The following KCNIP4 variants were observed in gnomAD, a reference collection of about 807,000 sequenced individuals.
KCNIP4 encodes the protein potassium voltage-gated channel interacting protein 4.
In KCNIP4, 12 loss-of-function variants were observed where a neutral mutation model predicts 34.0. The observed-to-expected ratio is 0.35, with a 90% CI of 0.23 to 0.57. The LOEUF (loss-of-function observed/expected upper bound fraction) is 0.57. Among genes scored for constraint, KCNIP4 ranks in the 20% least tolerant of loss-of-function variants. The pLI, the probability that KCNIP4 is intolerant of heterozygous loss-of-function variation, is 0.83. For missense variants in KCNIP4, 238 were observed against 311.7 expected, an observed-to-expected ratio of 0.76 and a Z score of 1.78; for synonymous variants, 124 against 102.2, an observed-to-expected ratio of 1.21 and a Z score of -1.29.
At chr4:21,142,616 T>C (rs1752056379) in intron 1 of KCNIP4, among the ~76,000 whole-genome samples, 1 of 152,110 alleles carries the variant, frequency 6.6e-6, no homozygotes, top group Non-Finnish European at 1.5e-5. Flanking sequence ...ACGGCAAAGA[T>C]CTGAGGTCAG....
chr4:21,928,192 C>T (rs1729377735), intron 1 of KCNIP4, among the ~76,000 whole-genome samples: 1 of 151,466 alleles, frequency 6.6e-6, no homozygotes, highest in Non-Finnish European at 1.5e-5. Flanking sequence ...GAATAAACCC[C>T]TGGTTTGGAT....
chr4:21,702,718 T>C (rs980645356), intron 1 of KCNIP4, among the ~76,000 whole-genome samples: 5 of 151,766 alleles, frequency 3.3e-5, no homozygotes, highest in South Asian at 2.1e-4. Flanking sequence ...TTCCAGAAAA[T>C]AGACAAGAGT....
intron 4 of KCNIP4, among the ~76,000 whole-genome samples, chr4:20,755,467 CA>C (rs34868448): frequency 6.6e-6 from 1 of 152,108 alleles, no homozygotes; most frequent in Non-Finnish European, 1.5e-5. Flanking sequence ...TTCATTCATG[CA>C]AAAAGCATTT....
intron 1 of KCNIP4, among the ~76,000 whole-genome samples, chr4:20,887,139 T>A (rs1725402038): frequency 6.6e-6 from 1 of 151,884 alleles, no homozygotes; most frequent in Admixed American, 6.6e-5. Flanking sequence ...TAGATGGACT[T>A]AACAGCAGAC....
At chr4:21,195,238 C>T (rs1047464874) in intron 1 of KCNIP4, among the ~76,000 whole-genome samples, 4 of 152,190 alleles carry the variant, frequency 2.6e-5, no homozygotes, top group Admixed American at 1.3e-4. Flanking sequence ...TGCAGGTGAG[C>T]ACTTATGAAA....
intron 3 of KCNIP4, among the ~76,000 whole-genome samples, chr4:20,809,447 G>T (rs2149430643): frequency 6.6e-6 from 1 of 152,260 alleles, no homozygotes; most frequent in East Asian, 1.9e-4. Context: ...GATATAAAGT[G>T]CAAGGTTAAT....
intron 1 of KCNIP4, among the ~76,000 whole-genome samples, chr4:21,775,959 C>G (rs778842517): frequency 1.3e-5 from 2 of 152,224 alleles, no homozygotes; most frequent in East Asian, 3.9e-4. Context: ...GCAGCCACAG[C>G]TGGTGCGGGT....
intron 1 of KCNIP4, among the ~76,000 whole-genome samples, chr4:21,306,406 T>G (rs1434690955): frequency 1.3e-5 from 2 of 152,174 alleles, no homozygotes; most frequent in African/African-American, 4.8e-5. Context: ...AGACAGGGTT[T>G]TGCTCTGTAG....
At chr4:20,839,494 T>TTATA (rs71181593) in intron 3 of KCNIP4, among the ~76,000 whole-genome samples, 6,467 of 124,112 alleles carry the variant, frequency 0.052, 145 homozygotes, top group South Asian at 0.069. Flanking sequence ...TATATCTATA[T>TTATA]TATATATATA....
At chr4:21,122,282 G>A (rs1332265753) in intron 1 of KCNIP4, among the ~76,000 whole-genome samples, 2 of 151,326 alleles carry the variant, frequency 1.3e-5, no homozygotes, top group East Asian at 1.9e-4. Flanking sequence ...AAACAATGTA[G>A]CCTAAAGAAA....
intron 1 of KCNIP4, chr4:20,984,096 C>CCTGG: frequency 9.7e-7 from 1 of 1,026,638 alleles, no homozygotes. Context: ...TGAGGACAGA[C>CCTGG]CTGGGCTAAA....
At chr4:20,794,911 A>G (rs1008811540) in intron 3 of KCNIP4, among the ~76,000 whole-genome samples, 1 of 152,184 alleles carries the variant, frequency 6.6e-6, no homozygotes, top group Non-Finnish European at 1.5e-5. Flanking sequence ...AAAGGTGTTA[A>G]CAATTCTGCC....
At chr4:20,782,686 T>C (rs1174697833) in intron 3 of KCNIP4, among the ~76,000 whole-genome samples, 4 of 152,108 alleles carry the variant, frequency 2.6e-5, no homozygotes, top group Non-Finnish European at 5.9e-5. Context: ...GAAACCATTT[T>C]TTTCCTCCTA....
At chr4:20,885,566 T>C (rs1022613146) in intron 1 of KCNIP4, among the ~76,000 whole-genome samples, 1 of 152,182 alleles carries the variant, frequency 6.6e-6, no homozygotes, top group African/African-American at 2.4e-5. Flanking sequence ...GAGTCTTATT[T>C]GAGGAATAAT....
At chr4:20,900,012 C>T (rs1020316514) in intron 1 of KCNIP4, among the ~76,000 whole-genome samples, 21 of 152,134 alleles carry the variant, frequency 1.4e-4, no homozygotes, top group African/African-American at 5.1e-4. Context: ...CTGATACTTT[C>T]CCCAAGGATC....
chr4:21,070,924 C>G (rs575431827), intron 1 of KCNIP4, among the ~76,000 whole-genome samples: 7 of 151,966 alleles, frequency 4.6e-5, no homozygotes, highest in African/African-American at 1.7e-4. Flanking sequence ...ATCTGCCCAC[C>G]TCGGCTTCCC....
intron 1 of KCNIP4, among the ~76,000 whole-genome samples, chr4:21,259,649 T>C (rs1044447776): frequency 2.0e-5 from 3 of 152,156 alleles, no homozygotes; most frequent in African/African-American, 7.2e-5. Context: ...GATACAGCAA[T>C]GAAGAAAAGC....
chr4:21,857,665 C>T (rs1408263717), intron 1 of KCNIP4, among the ~76,000 whole-genome samples: 1 of 152,196 alleles, frequency 6.6e-6, no homozygotes. Context: ...TGTTTTATAA[C>T]TCAATAAAGC....
intron 1 of KCNIP4, among the ~76,000 whole-genome samples, chr4:21,040,428 A>G (rs1267891511): frequency 6.6e-6 from 1 of 152,216 alleles, no homozygotes; most frequent in East Asian, 1.9e-4. Context: ...GCTATTTTCC[A>G]GAAATAATTA....
Sources: gnomAD v4.1 joint callset for allele counts (sites outside exome capture counted in the v4.1 genomes callset) on GRCh38, gnomAD v4.1.1 for gene constraint, MANE v1.5 for transcripts, NCBI Gene and HGNC (gene_info 2026-07-23, HGNC 2026-07-21) for gene names.